Variants in ACAP2 observed in about 807,000 individuals in gnomAD.
ACAP2 encodes the protein ArfGAP with coiled-coil, ankyrin repeat and PH domains 2, also known as arf-GAP with coiled-coil, ANK repeat and PH domain-containing protein 2.
A neutral mutation model predicts 115.8 loss-of-function variants in ACAP2; 39 were observed. The observed-to-expected ratio is 0.34, with a 90% CI of 0.26 to 0.44. The LOEUF (loss-of-function observed/expected upper bound fraction) is 0.44. ACAP2 is among the 20% of genes least tolerant of loss of function. The probability of loss-of-function intolerance (pLI) is 1.00; values close to 1 mark genes in which losing one functional copy is unlikely to be tolerated. For synonymous variants in ACAP2, 289 were observed against 315.8 expected (o/e 0.92, Z 0.90); for missense variants, 662 against 927.6 (o/e 0.71, Z 3.72).
chr3:195,402,642 G>A (rs1312074596), intron 1 of ACAP2, among the ~76,000 whole-genome samples: 4 of 152,086 alleles, frequency 2.6e-5, no homozygotes, highest in Non-Finnish European at 4.4e-5. Flanking sequence ...GAGCTAAGGA[G>A]GTATTCGCTC....
At chr3:195,285,183 G>A (rs561490098) in intron 22 of ACAP2, 19 of 152,310 alleles carry the variant, frequency 1.2e-4, no homozygotes, top group African/African-American at 4.6e-4. Context: ...TTTCAAACTA[G>A]CTCCACTCAC....
chr3:195,370,952 C>CA (rs35365512), intron 4 of ACAP2, among the ~76,000 whole-genome samples: 7,133 of 104,106 alleles, frequency 0.069, 312 homozygotes, highest in African/African-American at 0.13. Flanking sequence ...AACTCTGTCT[C>CA]AAAAAAAAAA....
chr3:195,289,260 A>G, intron 20 of ACAP2, 29 bp from the exon 21 acceptor site: 4 of 1,514,506 alleles, frequency 2.6e-6, no homozygotes, highest in Middle Eastern at 1.7e-4. Context: ...TTTTTGAGAT[A>G]TTGTCGATAA....
Position 195,321,900 on chromosome 3 carries a change from A to G in ACAP2, c.745-1087T>C, listed in dbSNP as rs116928816. Among the ~76,000 whole-genome samples the G allele has an allele frequency of 2.7e-3, 415 of 152,352 alleles. 18 individuals carry two copies. The East Asian group carries it at 0.071, about 26-fold the overall frequency. ...AGTGCAGGAATTACAGGTGTGAGCC[A>G]CTGAGCCCAGGGGTGGTAGTCCTTC... On this transcript the variant is annotated intron_variant, in intron 9 of 22. Transcript: ENST00000326793.
At chr3:195,425,553 T>TA (rs1714621054) in intron 1 of ACAP2, among the ~76,000 whole-genome samples, 1 of 152,154 alleles carries the variant, frequency 6.6e-6, no homozygotes, top group Non-Finnish European at 1.5e-5. Context: ...TAAAAGTGAA[T>TA]ATAGGATGGG....
At chr3:195,317,054 C>G (rs529249183) in intron 10 of ACAP2, among the ~76,000 whole-genome samples, 3 of 151,434 alleles carry the variant, frequency 2.0e-5, no homozygotes, top group Non-Finnish European at 4.4e-5. Context: ...TACACCACCA[C>G]GCCAGGCTAA....
intron 1 of ACAP2, among the ~76,000 whole-genome samples, chr3:195,425,026 C>CA (rs10690317): frequency 0.061 from 1,623 of 26,582 alleles, 387 homozygotes; most frequent in African/African-American, 0.086. Context: ...GACTCCGTCT[C>CA]AAAAAAAAAA....
chr3:195,376,890 A>G (rs940328894), intron 4 of ACAP2, among the ~76,000 whole-genome samples: 1 of 152,188 alleles, frequency 6.6e-6, no homozygotes, highest in African/African-American at 2.4e-5. Flanking sequence ...TGCAGGTTAC[A>G]CTATTTATTA....
At chr3:195,325,064 CAAG>C (rs1729689252) in intron 9 of ACAP2, among the ~76,000 whole-genome samples, 1 of 152,066 alleles carries the variant, frequency 6.6e-6, no homozygotes, top group Non-Finnish European at 1.5e-5. Flanking sequence ...GTTAAAACTA[CAAG>C]AAGATGTCTA....
chr3:195,290,214 T>A (rs1727149438), intron 20 of ACAP2, among the ~76,000 whole-genome samples: 1 of 151,388 alleles, frequency 6.6e-6, no homozygotes, highest in African/African-American at 2.4e-5. Context: ...AAAAAAAATT[T>A]AAAAATTAGC....
chr3:195,389,825 C>T (rs1425080689), intron 2 of ACAP2, among the ~76,000 whole-genome samples: 2 of 152,214 alleles, frequency 1.3e-5, no homozygotes, highest in African/African-American at 2.4e-5. Flanking sequence ...TTCCTCAGAA[C>T]CTTTCCCAGT....
chr3:195,296,198 C>A (rs944506184), intron 16 of ACAP2, among the ~76,000 whole-genome samples: 1 of 150,858 alleles, frequency 6.6e-6, no homozygotes. Flanking sequence ...ATGCTTTTTG[C>A]AGAGTAGAAA....
At chr3:195,405,458 G>A (rs1217956828) in intron 1 of ACAP2, among the ~76,000 whole-genome samples, 1 of 152,132 alleles carries the variant, frequency 6.6e-6, no homozygotes, top group African/African-American at 2.4e-5. Context: ...AGGCCAAGGT[G>A]GGCAGATCAC....
chr3:195,410,839 G>C, intron 1 of ACAP2: 1 of 176,144 alleles, frequency 5.7e-6, no homozygotes, highest in South Asian at 9.0e-5. Flanking sequence ...GAATGGATTA[G>C]TGCTCTTATA....
At chr3:195,372,845 C>T (rs528952492) in intron 4 of ACAP2, among the ~76,000 whole-genome samples, 1 of 151,752 alleles carries the variant, frequency 6.6e-6, no homozygotes, top group South Asian at 2.1e-4. Context: ...GAATATAGTA[C>T]CTCGGAAGAG....
intron 2 of ACAP2, among the ~76,000 whole-genome samples, 154 bp downstream of exon 2, chr3:195,391,936 A>C (rs1197997140): frequency 6.6e-6 from 1 of 152,106 alleles, no homozygotes; most frequent in East Asian, 1.9e-4. Context: ...CGGAGGTTGC[A>C]GTGAGCTGAG....
chr3:195,336,467 A>G (rs1177855860), intron 7 of ACAP2: 1 of 152,650 alleles, frequency 6.6e-6, no homozygotes, highest in Admixed American at 6.5e-5. Context: ...ATAGAGAAAA[A>G]TGTAAATATG....
chr3:195,319,340 G>T (rs1022200958), intron 10 of ACAP2, among the ~76,000 whole-genome samples: 3 of 152,220 alleles, frequency 2.0e-5, no homozygotes, highest in African/African-American at 7.2e-5. Context: ...GCCTAGTGGA[G>T]CTTTGAGAAG....
chr3:195,391,786 G>C (rs1428305031), intron 2 of ACAP2, among the ~76,000 whole-genome samples: 1 of 152,102 alleles, frequency 6.6e-6, no homozygotes, highest in Admixed American at 6.6e-5. Context: ...CCTGAGGTTA[G>C]GAGTTTGAGA....
Sources: allele counts gnomAD v4.1 joint callset (sites outside exome capture counted in the v4.1 genomes callset), GRCh38; gene constraint gnomAD v4.1.1; transcripts MANE v1.5; gene names NCBI Gene and HGNC (gene_info 2026-07-23, HGNC 2026-07-21).